The following TRIM14 variants were observed in gnomAD, a reference collection of about 807,000 sequenced individuals.
TRIM14 encodes tripartite motif-containing protein 14.
A neutral mutation model predicts 44.5 loss-of-function variants in TRIM14; 28 were observed. That is an observed-to-expected ratio of 0.63 (90% CI 0.47 to 0.86). The LOEUF is 0.86. TRIM14 is among the 40% of genes least tolerant of loss of function. The pLI is 0.00. For synonymous variants in TRIM14, 299 were observed against 269.2 expected (o/e 1.11, Z -1.08); for missense variants, 607 against 611.1 (o/e 0.99, Z 0.07).
intron 6 of TRIM14, among the ~76,000 whole-genome samples, chr9:98,077,214 C>T (rs944978763): frequency 1.3e-5 from 2 of 152,050 alleles, no homozygotes; most frequent in African/African-American, 2.4e-5. Context: ...CCTCCCATCT[C>T]GACCTCCCAA....
At chr9:98,051,536 A>G in the TRIM14 span, among the ~76,000 whole-genome samples, 6 of 152,160 alleles carry the variant, frequency 3.9e-5, no homozygotes, top group Non-Finnish European at 2.9e-5. Context: ...AGAACCTATC[A>G]TGGGGGATAC....
chr9:98,047,776 T>C, the TRIM14 span, among the ~76,000 whole-genome samples: 1 of 151,846 alleles, frequency 6.6e-6, no homozygotes, highest in African/African-American at 2.4e-5. Context: ...CTAGAAAGCA[T>C]GGAAATGAGC....
chr9:98,056,939 A>C, the TRIM14 span: 26 of 1,586,070 alleles, frequency 1.6e-5, no homozygotes, highest in Non-Finnish European at 1.7e-6. Flanking sequence ...CGCATGGCCA[A>C]GGTGAGGCGG....
At chr9:98,082,585 G>T (rs2118062805), downstream of TRIM14, among the ~76,000 whole-genome samples, 1 of 152,348 alleles carries the variant, frequency 6.6e-6, no homozygotes, top group South Asian at 2.1e-4. Flanking sequence ...ACTGGGATTT[G>T]AACCTGGCTC....
At chr9:98,054,251 C>G in the TRIM14 span, among the ~76,000 whole-genome samples, 2 of 152,144 alleles carry the variant, frequency 1.3e-5, no homozygotes, top group Non-Finnish European at 2.9e-5. Flanking sequence ...TATACAAACA[C>G]ACACACAAAG....
chr9:98,098,966 T>A (rs1236438245), intron 3 of TRIM14, among the ~76,000 whole-genome samples: 1 of 151,970 alleles, frequency 6.6e-6, no homozygotes, highest in African/African-American at 2.4e-5. Context: ...GAGAGGTGGT[T>A]TTGCCATGTT....
At position 98,087,905 on chromosome 9, in the gene TRIM14, C is replaced by A; in HGVS notation, c.894G>T (p.Gly298=). ...CGTCGAACCGCAGCACGGGCACGGG[C>A]CCCAGGCTGCCCAGCAGGCCGCAGC... The part of the protein sequence containing the change: ...TVRCGLLGSL[G]PVPVLRFDAL... The change falls in exon 6 of 6, where the codon GGG becomes GGT. Residue 298 remains glycine (G), a synonymous_variant. Coordinates refer to ENST00000341469, the MANE Select transcript of TRIM14 (RefSeq NM_014788.4). 3 of 1,568,104 alleles carry A rather than the reference C, an allele frequency of 1.9e-6. No homozygotes were observed. The highest frequency in any genetic ancestry group is 1.4e-5 in the African/African-American group (1 of 71,240).
intron 6 of TRIM14, chr9:98,076,976 A>T (rs908466458): frequency 1.2e-6 from 2 of 1,611,570 alleles, no homozygotes; most frequent in Non-Finnish European, 1.7e-6. Flanking sequence ...GGATCTGGAG[A>T]CACTAATAAT....
chr9:98,064,104 T>C, the TRIM14 span, among the ~76,000 whole-genome samples: 1 of 152,138 alleles, frequency 6.6e-6, no homozygotes, highest in African/African-American at 2.4e-5. Context: ...TAATGGGTGG[T>C]TTAAAAAAGG....
chr9:98,063,175 G>A, the TRIM14 span, among the ~76,000 whole-genome samples: 1 of 151,798 alleles, frequency 6.6e-6, no homozygotes, highest in Admixed American at 6.6e-5. Flanking sequence ...CCATCCGCCC[G>A]CCCCAGCCTC....
At chr9:98,100,740 T>A (rs983170017) in intron 2 of TRIM14, among the ~76,000 whole-genome samples, 3 of 152,164 alleles carry the variant, frequency 2.0e-5, no homozygotes, top group Non-Finnish European at 2.9e-5. Flanking sequence ...ACTCAAATTA[T>A]ATATGGAAAT....
intron 2 of TRIM14, among the ~76,000 whole-genome samples, chr9:98,101,511 C>T (rs986931755): frequency 4.0e-5 from 6 of 151,002 alleles, no homozygotes; most frequent in Admixed American, 6.6e-5. Context: ...CTGCAACCTC[C>T]GCTTCCCGGG....
the TRIM14 span, among the ~76,000 whole-genome samples, chr9:98,043,695 C>A: frequency 4.0e-5 from 6 of 151,334 alleles, no homozygotes; most frequent in African/African-American, 1.5e-4. Flanking sequence ...AGAACTCTAG[C>A]CATGAGATAA....
chr9:98,107,828 T>C (rs1412417861), intron 2 of TRIM14, among the ~76,000 whole-genome samples: 1 of 124,922 alleles, frequency 8.0e-6, no homozygotes, highest in South Asian at 2.5e-4. Context: ...ATTCCCGGCA[T>C]TTTTTTGTAT....
chr9:98,094,949 C>A lies in TRIM14; in HGVS notation c.618G>T (p.Glu206Asp). The change falls in exon 4 of 6, where the codon GAG becomes GAT. Residue 206 changes from glutamate to aspartate, a missense_variant. Transcript: ENST00000341469. Reference protein sequence around the residue: ...ELCHPVPLSFEPVKSFFKGLV... With the variant: ...ELCHPVPLSFDPVKSFFKGLV... ...GGCCCTTAAAGAAGCTCTTGACGGGCTCAAAGGAGAGGGGCACGGGATGGC... is the reference window on the plus strand; with the variant it reads ...GGCCCTTAAAGAAGCTCTTGACGGGATCAAAGGAGAGGGGCACGGGATGGC... The A allele has an allele frequency of 6.2e-7, 1 of 1,614,202 alleles. No individual in the cohort carries two copies. The highest frequency in any genetic ancestry group is 8.5e-7 in the Non-Finnish European group (1 of 1,180,026).
chr9:98,117,199 G>A lies in TRIM14; in HGVS notation c.207+1783C>T, dbSNP rs80026774. On this transcript the variant is annotated intron_variant, in intron 1 of 5. Coordinates refer to ENST00000341469, the MANE Select transcript of TRIM14 (RefSeq NM_014788.4). The stretch of plus-strand genomic sequence containing the variant: ...AATTCCTGGCTTTTAAAGAAGGCTT[G>A]GGATTTTCTTCGTGATGTTTTTAGT... 1.6e-4 allele frequency among the ~76,000 whole-genome samples: 24 copies of A among 152,200 alleles called. No homozygotes were observed. In the East Asian group the frequency reaches 4.4e-3, roughly 28 times the overall value.
the TRIM14 span, among the ~76,000 whole-genome samples, chr9:98,037,611 G>A: frequency 6.6e-6 from 1 of 152,148 alleles, no homozygotes; most frequent in African/African-American, 2.4e-5. Flanking sequence ...ATCCTTTAGG[G>A]AACTCAAAAT....
the TRIM14 span, among the ~76,000 whole-genome samples, chr9:98,052,210 AAT>A: frequency 3.3e-4 from 50 of 152,180 alleles, no homozygotes; most frequent in African/African-American, 1.1e-3. Flanking sequence ...TTTTTCCTAG[AAT>A]GGGGTCTGTG....
chr9:98,088,792 A>T (rs563722937), intron 5 of TRIM14, among the ~76,000 whole-genome samples: 1 of 152,196 alleles, frequency 6.6e-6, no homozygotes, highest in Non-Finnish European at 1.5e-5. Flanking sequence ...TGCTGGGTCA[A>T]TGGGTATTTT....
Sources: allele counts gnomAD v4.1 joint callset (sites outside exome capture counted in the v4.1 genomes callset), GRCh38; gene constraint gnomAD v4.1.1; transcripts MANE v1.5; gene names NCBI Gene and HGNC (gene_info 2026-07-23, HGNC 2026-07-21).